Variants in NAV3 observed in about 807,000 individuals in gnomAD.
NAV3 encodes the protein pore membrane and/or filament interacting like protein 1.
A neutral mutation model predicts 244.7 loss-of-function variants in NAV3; 87 were observed. That is an observed-to-expected ratio of 0.36 (90% CI 0.30 to 0.42). The LOEUF (loss-of-function observed/expected upper bound fraction) is 0.42. Ranked by LOEUF, NAV3 falls within the 20% of genes least tolerant of loss-of-function variation. The pLI is 1.00. For missense variants in NAV3, 2,663 were observed against 2,893.3 expected, an observed-to-expected ratio of 0.92 and a Z score of 1.83; for synonymous variants, 1,126 against 1,042.2, an observed-to-expected ratio of 1.08 and a Z score of -1.55.
chr12:77,640,809 C>G (rs1241257273), intron 2 of NAV3, among the ~76,000 whole-genome samples: 3 of 152,104 alleles, frequency 2.0e-5, no homozygotes, highest in Non-Finnish European at 4.4e-5. Flanking sequence ...AAAGAGTTTA[C>G]TGGAGCCGAA....
chr12:77,609,630 G>A (rs1407678515), intron 2 of NAV3, among the ~76,000 whole-genome samples: 1 of 151,694 alleles, frequency 6.6e-6, no homozygotes, highest in African/African-American at 2.4e-5. Context: ...CTGAGAATTT[G>A]CATTTTGAAC....
At chr12:78,084,581 A>ACTCTCTCTCTCTCTTT (rs1953528200) in intron 12 of NAV3, among the ~76,000 whole-genome samples, 2 of 150,028 alleles carry the variant, frequency 1.3e-5, no homozygotes, top group Non-Finnish European at 3.0e-5. Flanking sequence ...TTGAGCCACC[A>ACTCTCTCTCTCTCTTT]CTCTCTCTCT....
intron 2 of NAV3, among the ~76,000 whole-genome samples, chr12:77,666,111 A>G (rs1262033309): frequency 6.6e-6 from 1 of 150,624 alleles, no homozygotes; most frequent in African/African-American, 2.4e-5. Flanking sequence ...ATAAAATTCC[A>G]TCTTCCACTC....
intron 9 of NAV3, among the ~76,000 whole-genome samples, chr12:78,041,371 A>G (rs1201601885): frequency 2.6e-5 from 4 of 152,248 alleles, no homozygotes; most frequent in Non-Finnish European, 1.5e-5. Flanking sequence ...TGTTTCGTCA[A>G]CCACCCAAAG....
At chr12:77,695,027 A>G (rs985060565) in intron 2 of NAV3, among the ~76,000 whole-genome samples, 2 of 152,216 alleles carry the variant, frequency 1.3e-5, no homozygotes, top group Admixed American at 6.5e-5. Flanking sequence ...CATAAGTGCC[A>G]GAAGCTGCTC....
intron 2 of NAV3, among the ~76,000 whole-genome samples, chr12:77,714,020 A>G (rs1876243859): frequency 3.3e-5 from 5 of 152,146 alleles, no homozygotes. Context: ...TAGAAAATAT[A>G]CATTTTTTTG....
chr12:77,831,673 A>G lies in NAV3; in HGVS notation c.212A>G (p.Gln71Arg), dbSNP rs147829581. The G allele has an allele frequency of 5.7e-5, 92 of 1,611,512 alleles. 1 individual carries two copies. In the East Asian group the frequency reaches 2.0e-3, roughly 35 times the overall value. The change falls in exon 1 of 40, where the codon CAA (glutamine) becomes CGA (arginine). Residue 71 changes from glutamine to arginine, a missense_variant. Gln to Arg is a conservative substitution (Grantham distance 43). This residue lies in a region of NAV3 where 1,521 missense variants were observed against 1,497.0 expected (regional missense o/e 1.02). Coordinates refer to ENST00000397909, the MANE Select transcript of NAV3 (RefSeq NM_001024383.2). ...GAATTTGGAGAGAAGAAACCCCTCC[A>G]AGGAAAAGCCAAGGAGAAAGAAGAC... ...TCEFGEKKPL[Q>R]GKAKEKEDSK...
chr12:78,144,202 T>C (rs1035615091), intron 20 of NAV3, among the ~76,000 whole-genome samples: 2 of 152,200 alleles, frequency 1.3e-5, no homozygotes, highest in Non-Finnish European at 2.9e-5. Context: ...TCATTTTTGA[T>C]TCATTGTGGA....
chr12:77,989,408 G>C (rs1418251997), intron 5 of NAV3, among the ~76,000 whole-genome samples: 4 of 152,140 alleles, frequency 2.6e-5, no homozygotes, highest in Non-Finnish European at 1.5e-5. Context: ...AAACCAAACT[G>C]TTTGCCCATT....
intron 1 of NAV3, among the ~76,000 whole-genome samples, chr12:77,878,300 A>C (rs1238428694): frequency 1.3e-5 from 2 of 152,080 alleles, no homozygotes; most frequent in African/African-American, 4.8e-5. Flanking sequence ...ATCTCAGTTC[A>C]CTGCAACCTC....
At chr12:78,146,594 C>T (rs1281280807) in intron 21 of NAV3, among the ~76,000 whole-genome samples, 1 of 152,054 alleles carries the variant, frequency 6.6e-6, no homozygotes, top group Non-Finnish European at 1.5e-5. Context: ...AGCAAGCTGT[C>T]CTTTCACATT....
chr12:78,109,211 A>C (rs1954961031), intron 12 of NAV3, among the ~76,000 whole-genome samples: 1 of 152,100 alleles, frequency 6.6e-6, no homozygotes, highest in Admixed American at 6.5e-5. Flanking sequence ...AGAAATAGAT[A>C]AATTCCTAGA....
At chr12:78,132,891 C>G (rs1208618475) in intron 18 of NAV3, among the ~76,000 whole-genome samples, 2 of 152,118 alleles carry the variant, frequency 1.3e-5, no homozygotes, top group African/African-American at 4.8e-5. Flanking sequence ...TCATCCTTCT[C>G]TCTACTCTAG....
At chr12:78,128,973 G>C in intron 18 of NAV3, 107 bp downstream of exon 18, 1 of 1,050,236 alleles carries the variant, frequency 9.5e-7, no homozygotes, top group Non-Finnish European at 1.4e-6. Flanking sequence ...TAAAGGGAGG[G>C]ATAAAAGCAC....
chr12:78,170,708 G>T (rs454199), intron 24 of NAV3, among the ~76,000 whole-genome samples: 6,897 of 151,752 alleles, frequency 0.045, 187 homozygotes, highest in Non-Finnish European at 0.071. Context: ...CAGCTATCCT[G>T]AATTGTTTTC....
In NAV3 at chr12:77,831,616, T is replaced by A. The variant is rs1024477775; in HGVS notation, c.155T>A (p.Leu52His). ...LELTETESSM[L>H]SCQLALKSTC... ...CTTACTGAAACAGAGAGCTCCATGC[T>A]TTCTTGTCAGCTTGCGTTAAAATCA... is the stretch of plus-strand genomic sequence containing the variant. Residue 52 changes from leucine (L) to histidine (H), a missense_variant, in exon 1 of 40, where the codon CTT becomes CAT. Transcript: ENST00000397909. The A allele has an allele frequency of 1.2e-6, 2 of 1,614,104 alleles. No homozygotes were observed. The highest frequency in any genetic ancestry group is 1.7e-5 in the Admixed American group (1 of 60,012).
chr12:77,655,084 C>A (rs1191284841), intron 2 of NAV3, among the ~76,000 whole-genome samples: 1 of 152,178 alleles, frequency 6.6e-6, no homozygotes, highest in East Asian at 1.9e-4. Context: ...ACTTCCTCAC[C>A]AGCAATGGAA....
chr12:77,820,073 A>C (rs1470447625), intron 2 of NAV3, among the ~76,000 whole-genome samples: 2 of 136,220 alleles, frequency 1.5e-5, no homozygotes, highest in Non-Finnish European at 3.3e-5. Flanking sequence ...TAGAGAATAA[A>C]ATGTCAATAA....
At chr12:77,701,235 A>C (rs904998546) in intron 2 of NAV3, among the ~76,000 whole-genome samples, 1 of 151,960 alleles carries the variant, frequency 6.6e-6, no homozygotes, top group African/African-American at 2.4e-5. Context: ...TAATGATACA[A>C]AGCTATTTAG....
Sources: gnomAD v4.1 joint callset for allele counts (sites outside exome capture counted in the v4.1 genomes callset) on GRCh38, gnomAD v4.1.1 for gene constraint, gnomAD v4.1.1 regional missense constraint, MANE v1.5 for transcripts, NCBI Gene and HGNC (gene_info 2026-07-23, HGNC 2026-07-21) for gene names.